The following SERGEF variants were observed in gnomAD, a reference collection of about 807,000 sequenced individuals.
SERGEF encodes the protein secretion regulating guanine nucleotide exchange factor, also known as secretion-regulating guanine nucleotide exchange factor.
A neutral mutation model predicts 50.0 loss-of-function variants in SERGEF; 51 were observed. The ratio of observed to expected loss-of-function variants is 1.02; its 90% confidence interval spans 0.81 to 1.29. The LOEUF is 1.29. Among genes scored for constraint, SERGEF ranks in the 50% most tolerant of loss-of-function variants. The probability of loss-of-function intolerance (pLI) is 0.00; values close to 1 mark genes in which losing one functional copy is unlikely to be tolerated. For missense variants in SERGEF, 521 were observed against 557.0 expected, an observed-to-expected ratio of 0.94 and a Z score of 0.65; for synonymous variants, 205 against 212.4, an observed-to-expected ratio of 0.97 and a Z score of 0.30.
chr11:17,989,568 T>C (rs1194316987), intron 7 of SERGEF, among the ~76,000 whole-genome samples: 2 of 152,254 alleles, frequency 1.3e-5, no homozygotes, highest in Non-Finnish European at 2.9e-5. Flanking sequence ...GGCATTCACA[T>C]TCAAAAATAT....
chr11:17,914,180 C>T (rs2133932902), intron 9 of SERGEF, among the ~76,000 whole-genome samples: 1 of 152,298 alleles, frequency 6.6e-6, no homozygotes, highest in Non-Finnish European at 1.5e-5. Context: ...CTGTGCACTC[C>T]ATCTGGAATG....
intron 9 of SERGEF, among the ~76,000 whole-genome samples, chr11:17,894,513 T>C (rs922216695): frequency 2.0e-5 from 3 of 152,234 alleles, no homozygotes; most frequent in Non-Finnish European, 1.5e-5. Flanking sequence ...CTACTTATTA[T>C]TAAGTGGTTT....
At chr11:17,840,909 A>G (rs569217073) in intron 10 of SERGEF, among the ~76,000 whole-genome samples, 3 of 152,354 alleles carry the variant, frequency 2.0e-5, no homozygotes, top group African/African-American at 7.2e-5. Flanking sequence ...AAATATCTTA[A>G]TAAATAAAAG....
rs1168400756 is a variant in SERGEF at position 17,992,922 on chromosome 11, G to C, written c.685+9C>G. On this transcript the variant is annotated intron_variant, in intron 7 of 10. Transcript: ENST00000265965. ...TGGCATGTTAAACCGTGAAAGAGCT[G>C]GTACCTACCTGTTAATGAAGCTGAG... 1 of 1,612,258 alleles carries C rather than the reference G, an allele frequency of 6.2e-7. No individual in the cohort carries two copies. Among genetic ancestry groups the C allele is most frequent in the Admixed American group, 1.7e-5 (1 of 60,020 alleles).
At chr11:17,894,461 T>A (rs2133913553) in intron 9 of SERGEF, among the ~76,000 whole-genome samples, 1 of 152,330 alleles carries the variant, frequency 6.6e-6, no homozygotes, top group East Asian at 1.9e-4. Flanking sequence ...TCATAAGTAA[T>A]TGCTTCCTCC....
intron 10 of SERGEF, among the ~76,000 whole-genome samples, chr11:17,800,341 G>C (rs1416322393): frequency 6.6e-6 from 1 of 152,140 alleles, no homozygotes; most frequent in East Asian, 1.9e-4. Flanking sequence ...GATGATCTTG[G>C]TGTTGTACAT....
chr11:17,830,137 C>T (rs1362020315), intron 10 of SERGEF, among the ~76,000 whole-genome samples: 1 of 152,210 alleles, frequency 6.6e-6, no homozygotes, highest in Non-Finnish European at 1.5e-5. Flanking sequence ...GGGGCCAGTG[C>T]TTATCACACT....
intron 9 of SERGEF, among the ~76,000 whole-genome samples, chr11:17,950,241 C>A (rs1422308826): frequency 6.6e-6 from 1 of 152,136 alleles, no homozygotes; most frequent in Admixed American, 6.5e-5. Context: ...CAGTGGTGAA[C>A]AAGGCCAACA....
At chr11:17,835,356 T>A (rs1673511932) in intron 10 of SERGEF, among the ~76,000 whole-genome samples, 1 of 152,142 alleles carries the variant, frequency 6.6e-6, no homozygotes, top group Non-Finnish European at 1.5e-5. Context: ...GAGCACATCC[T>A]CATAGCCACA....
intron 10 of SERGEF, among the ~76,000 whole-genome samples, chr11:17,827,641 G>C (rs374466734): frequency 6.6e-6 from 1 of 151,962 alleles, no homozygotes; most frequent in African/African-American, 2.4e-5. Flanking sequence ...GTTACCTCTC[G>C]CCGCATCACT....
chr11:17,973,518 T>C (rs1011269557), intron 8 of SERGEF, among the ~76,000 whole-genome samples: 1 of 152,184 alleles, frequency 6.6e-6, no homozygotes, highest in African/African-American at 2.4e-5. Context: ...CCCCAATCTT[T>C]GGGTAAGCAA....
At chr11:17,908,422 C>T (rs535476396) in intron 9 of SERGEF, among the ~76,000 whole-genome samples, 4 of 152,288 alleles carry the variant, frequency 2.6e-5, no homozygotes, top group Middle Eastern at 3.4e-3. Context: ...AGGCAATTTC[C>T]GCTCATCCCT....
intron 9 of SERGEF, among the ~76,000 whole-genome samples, chr11:17,896,326 G>A (rs1004243430): frequency 2.0e-5 from 3 of 152,022 alleles, no homozygotes; most frequent in African/African-American, 7.3e-5. Flanking sequence ...CATTTAATCT[G>A]TGATTTAATT....
intron 10 of SERGEF, among the ~76,000 whole-genome samples, chr11:17,837,430 G>C (rs1438716243): frequency 2.6e-5 from 4 of 151,750 alleles, no homozygotes; most frequent in Non-Finnish European, 4.4e-5. Context: ...CCTCTGTGGG[G>C]AGTGAGTTGT....
At chr11:17,804,963 C>A (rs955857376) in intron 10 of SERGEF, among the ~76,000 whole-genome samples, 3 of 152,178 alleles carry the variant, frequency 2.0e-5, no homozygotes, top group African/African-American at 4.8e-5. Flanking sequence ...TAGAACATTT[C>A]TCTATTATCC....
In SERGEF at chr11:18,012,957, G is replaced by C; in HGVS notation, c.54C>G (p.Phe18Leu). The C allele has an allele frequency of 6.7e-7, 1 of 1,486,750 alleles. No individual in the cohort carries two copies. The highest frequency in any genetic ancestry group is 8.9e-7 in the Non-Finnish European group (1 of 1,127,900). 92.1% of individuals were successfully genotyped at this position (1,486,750 alleles called of 1,614,324 possible). ...SEAAPAAAAL[F>L]AWGANSYGQL... ...CGGGGGCGGAGTCACGTACCCAGGC[G>C]AAGAGCGCGGCCGCCGCGGGGGCGG... Residue 18 changes from phenylalanine to leucine, a missense_variant, in exon 1 of 11, where the codon TTC becomes TTG. Phe to Leu is a conservative substitution (Grantham distance 22, BLOSUM62 0). Coordinates refer to ENST00000265965, the MANE Select transcript of SERGEF (RefSeq NM_012139.4).
At chr11:17,860,288 T>C (rs1365191427) in intron 10 of SERGEF, among the ~76,000 whole-genome samples, 1 of 152,098 alleles carries the variant, frequency 6.6e-6, no homozygotes, top group Non-Finnish European at 1.5e-5. Context: ...AAGTATAGCA[T>C]AGGAACCATA....
intron 10 of SERGEF, among the ~76,000 whole-genome samples, chr11:17,868,922 C>G (rs1023844251): frequency 2.0e-5 from 3 of 152,136 alleles, no homozygotes; most frequent in African/African-American, 7.2e-5. Flanking sequence ...CCCACAAGGT[C>G]ACTCCCCACA....
chr11:17,961,715 C>G (rs211149), intron 8 of SERGEF, among the ~76,000 whole-genome samples: 96,543 of 151,404 alleles, frequency 0.64, 31,246 homozygotes, highest in African/African-American at 0.76. Context: ...ATACTCTCTG[C>G]GGAGGCCATA....
Sources: gnomAD v4.1 joint callset for allele counts (sites outside exome capture counted in the v4.1 genomes callset) on GRCh38, gnomAD v4.1.1 for gene constraint, MANE v1.5 for transcripts, NCBI Gene and HGNC (gene_info 2026-07-23, HGNC 2026-07-21) for gene names.